SMG5: variants seen among roughly 807,000 people sequenced by gnomAD.
SMG5 encodes nonsense-mediated mRNA decay factor SMG5.
SMG5 carries 53 observed loss-of-function variants against 122.9 expected under a neutral mutation model. The observed-to-expected ratio is 0.43, with a 90% CI of 0.35 to 0.54. SMG5 has a LOEUF of 0.54. Among genes scored for constraint, SMG5 ranks in the 20% least tolerant of loss-of-function variants. The pLI is 0.01. For synonymous variants in SMG5, 477 were observed against 490.2 expected (o/e 0.97, Z 0.35); for missense variants, 1,153 against 1,285.6 (o/e 0.90, Z 1.58).
upstream of SMG5, among the ~76,000 whole-genome samples, chr1:156,286,987 G>A (rs994960263): frequency 3.9e-5 from 6 of 152,130 alleles, no homozygotes; most frequent in Non-Finnish European, 8.8e-5. Flanking sequence ...GCTGGGCATG[G>A]TGGTGCACAC....
upstream of SMG5, chr1:156,282,886 T>A (rs1259894967): frequency 3.6e-6 from 2 of 559,662 alleles, no homozygotes; most frequent in Non-Finnish European, 6.2e-6. Flanking sequence ...ACCAGTGGCC[T>A]GCTGCTACCA....
chr1:156,283,294 C>A (rs1663052934), upstream of SMG5, among the ~76,000 whole-genome samples: 2 of 152,230 alleles, frequency 1.3e-5, no homozygotes, highest in African/African-American at 4.8e-5. Flanking sequence ...GAAGAAATGA[C>A]TTGTACAAGC....
At chr1:156,281,423 A>C (rs996402855) in intron 1 of SMG5, among the ~76,000 whole-genome samples, 1 of 152,126 alleles carries the variant, frequency 6.6e-6, no homozygotes, top group African/African-American at 2.4e-5. Context: ...CACACGTGCC[A>C]CCCCCAGCCA....
At chr1:156,257,816 T>A (rs1661650663) in intron 16 of SMG5, among the ~76,000 whole-genome samples, 1 of 151,776 alleles carries the variant, frequency 6.6e-6, no homozygotes, top group Admixed American at 6.6e-5. Flanking sequence ...AGGAAGAATG[T>A]GGAGGAGGGG....
At position 156,250,562 on chromosome 1, in the gene SMG5, C is replaced by G; in HGVS notation, c.*25G>C. 1 of 1,607,286 alleles carries G rather than the reference C, an allele frequency of 6.2e-7. No homozygotes were observed. The highest frequency in any genetic ancestry group is 8.5e-7 in the Non-Finnish European group (1 of 1,173,926). On this transcript the variant is annotated 3_prime_UTR_variant, in exon 22 of 22. Transcript: ENST00000361813. ...GGGCAGGAGAGATCTGGAGTCAGCC[C>G]CACTGCAGGGCCTGGGGGTCAGTAT... is the stretch of plus-strand genomic sequence containing the variant.
Position 156,277,990 on chromosome 1 carries a change from C to T in SMG5, c.232G>A (p.Ala78Thr), listed in dbSNP as rs548006274. ...ACCTTTCTCCACAGCAGCTCCTCAG[C>T]CTTTCTCCCATAGTCCACTGGGTGC... ...FLHPVDYGRK[A>T]EELLWRKVYY... The change falls in exon 3 of 22, where the codon GCT becomes ACT. Residue 78 changes from alanine to threonine, a missense_variant. Around this residue, in one of 5 missense-constraint regions of SMG5, gnomAD observed 213 missense variants for 197.5 expected, o/e 1.08. Coordinates refer to ENST00000361813, the MANE Select transcript of SMG5 (RefSeq NM_015327.3). 1 of 1,614,172 alleles carries T rather than the reference C, an allele frequency of 6.2e-7. No homozygotes were observed. The highest frequency in any genetic ancestry group is 1.7e-5 in the Admixed American group (1 of 60,022).
Position 156,273,026 on chromosome 1 carries a change from T to C in SMG5, c.634+335A>G, listed in dbSNP as rs181865113. ...TATCTCAGCACTGAATGCTTGTTCC[T>C]ACATGCAAATCCCCATCTCTCTCTA... On this transcript the variant is annotated intron_variant, in intron 6 of 21. Transcript: ENST00000361813. Among the ~76,000 whole-genome samples the C allele has an allele frequency of 6.8e-3, 1,034 of 152,276 alleles. 14 individuals are homozygous for C. Among genetic ancestry groups the C allele is most frequent in the African/African-American group, 0.023 (952 of 41,554 alleles).
Position 156,265,924 on chromosome 1 carries a change from G to T in SMG5, c.1712C>A (p.Ser571Tyr). ...GCGCTTAGTCTGGAACATCTGGGTG[G>T]ACATGGCTTGTAGATTGCTGGCAAT... Reference protein sequence around the residue: ...ASIASNLQAMSTQMFQTKRCF... With the variant: ...ASIASNLQAMYTQMFQTKRCF... Residue 571 changes from serine to tyrosine, a missense_variant, in exon 12 of 22, where the codon TCC becomes TAC. Ser to Tyr is a moderately radical substitution (Grantham distance 144). Coordinates refer to ENST00000361813, the MANE Select transcript of SMG5 (RefSeq NM_015327.3). 1.2e-6 allele frequency: 2 copies of T among 1,614,222 alleles called. No individual in the cohort carries two copies. Among genetic ancestry groups the T allele is most frequent in the Non-Finnish European group, 1.7e-6 (2 of 1,180,040 alleles).
chr1:156,268,546 G>GAAT, intron 7 of SMG5, 131 bp from the exon 8 acceptor site: 3 of 1,154,926 alleles, frequency 2.6e-6, no homozygotes, highest in Non-Finnish European at 3.7e-6. Context: ...ACATACGCAG[G>GAAT]GTAAAAGGCT....
upstream of SMG5, chr1:156,286,578 C>A: frequency 8.5e-7 from 1 of 1,175,046 alleles, no homozygotes; most frequent in Non-Finnish European, 1.2e-6. Flanking sequence ...GGATTCTACA[C>A]TGGCCCAAAT....
At chr1:156,274,822 A>C in intron 4 of SMG5, 136 bp from the exon 5 acceptor site, 1 of 673,882 alleles carries the variant, frequency 1.5e-6, no homozygotes, top group East Asian at 3.1e-5. Context: ...GCAGAGACAC[A>C]CTCATCCAGG....
chr1:156,280,647 T>C (rs1054288299), intron 1 of SMG5, among the ~76,000 whole-genome samples: 1 of 152,236 alleles, frequency 6.6e-6, no homozygotes, highest in East Asian at 1.9e-4. Context: ...TATATTTTTA[T>C]AGACAAGCTC....
chr1:156,258,437 G>T (rs1182226253), intron 16 of SMG5, among the ~76,000 whole-genome samples: 1 of 152,212 alleles, frequency 6.6e-6, no homozygotes, highest in Non-Finnish European at 1.5e-5. Flanking sequence ...AGATTAAAAG[G>T]TGACAGAGAT....
At chr1:156,251,609 C>T (rs984684008) in intron 19 of SMG5, 132 bp from the exon 20 acceptor site, 2 of 841,344 alleles carry the variant, frequency 2.4e-6, no homozygotes, top group Non-Finnish European at 4.0e-6. Context: ...CCCACCACAG[C>T]TCTGGAGCCA....
Position 156,273,437 on chromosome 1 carries a change from A to G in SMG5, c.558T>C (p.Asn186=). The part of the protein sequence containing the change: ...VYLGDLSRYQ[N]ELAGVDTELL... ...GCTCGGTATCTACGCCAGCTAATTCATTCTGATATCGGGCTGCACAAGAGA... is the reference window on the plus strand; with the variant it reads ...GCTCGGTATCTACGCCAGCTAATTCGTTCTGATATCGGGCTGCACAAGAGA... The change falls in exon 6 of 22, where the codon AAT becomes AAC. Residue 186 remains asparagine, a synonymous_variant. Coordinates refer to ENST00000361813, the MANE Select transcript of SMG5 (RefSeq NM_015327.3). The G allele has an allele frequency of 6.2e-7, 1 of 1,614,034 alleles. No homozygotes were observed. Among genetic ancestry groups the G allele is most frequent in the Non-Finnish European group, 8.5e-7 (1 of 1,179,982 alleles).
intron 14 of SMG5, 60 bp downstream of exon 14, chr1:156,261,273 G>T: frequency 6.6e-7 from 1 of 1,523,376 alleles, no homozygotes; most frequent in Non-Finnish European, 9.1e-7. Context: ...GAGGGGAGAT[G>T]GGCTTAGTGG....
At position 156,268,116 on chromosome 1, in the gene SMG5, T is replaced by C. The variant is rs1264155390; in HGVS notation, c.907A>G (p.Ser303Gly). Residue 303 changes from serine to glycine, a missense_variant and splice_region_variant, in exon 9 of 22, where the codon AGC (serine) becomes GGC (glycine). By Grantham distance (56) the Ser-to-Gly change is moderately conservative. Around this residue, in one of 5 missense-constraint regions of SMG5, gnomAD observed 631 missense variants for 650.6 expected, o/e 0.97. Transcript: ENST00000361813. ...YLQSLLQPKS[S>G]SVDSELTSLC... ...AGGTTCATGCTCTCTTCCACTCACC[T>C]GCTTTTGGGCTGTAGGAGGCTTTGC... 6.2e-7 allele frequency: 1 copy of C among 1,614,052 alleles called. No individual in the cohort carries two copies. Among genetic ancestry groups the C allele is most frequent in the Non-Finnish European group, 8.5e-7 (1 of 1,180,024 alleles).
At chr1:156,253,984 C>T (rs1661468342) in intron 16 of SMG5, among the ~76,000 whole-genome samples, 1 of 152,210 alleles carries the variant, frequency 6.6e-6, no homozygotes, top group Non-Finnish European at 1.5e-5. Flanking sequence ...GCCCCATCTG[C>T]TCCTCAGAAC....
At position 156,249,276 on chromosome 1, in the gene SMG5, A is replaced by G. The variant is rs1486282708; in HGVS notation, c.*1311T>C. ...GCTTTAGTCTCAGTCTCTGCCAGCA[A>G]CTGGGAGTGGGGTGACTCCACTCAC... On this transcript the variant is annotated 3_prime_UTR_variant, in exon 22 of 22. Coordinates refer to ENST00000361813, the MANE Select transcript of SMG5 (RefSeq NM_015327.3). 1 of 180,794 alleles carries G rather than the reference A, an allele frequency of 5.5e-6. No individual in the cohort carries two copies. The highest frequency in any genetic ancestry group is 1.2e-5 in the Non-Finnish European group (1 of 84,436). 11.2% of individuals were successfully genotyped at this position (180,794 alleles called of 1,614,324 possible). A position where few individuals can be genotyped will look rare whatever the true frequency, so the allele number is the denominator to read the frequency against.
Sources: gnomAD v4.1 joint callset for allele counts (sites outside exome capture counted in the v4.1 genomes callset) on GRCh38, gnomAD v4.1.1 for gene constraint, gnomAD v4.1.1 regional missense constraint, MANE v1.5 for transcripts, NCBI Gene and HGNC (gene_info 2026-07-23, HGNC 2026-07-21) for gene names.